The following CTNNA3 variants were observed in gnomAD, a reference collection of about 807,000 sequenced individuals.
CTNNA3 encodes the protein catenin alpha-3.
CTNNA3 carries 76 observed loss-of-function variants against 95.7 expected under a neutral mutation model. The ratio of observed to expected loss-of-function variants is 0.79; its 90% CI spans 0.66 to 0.96. The LOEUF (loss-of-function observed/expected upper bound fraction) is 0.96. Ranked by LOEUF, CTNNA3 falls within the 40% of genes least tolerant of loss-of-function variation. CTNNA3 has a pLI of 0.00. For missense variants in CTNNA3, 1,191 were observed against 1,089.8 expected (o/e 1.09, Z -1.31); for synonymous variants, 431 against 374.4 (o/e 1.15, Z -1.74).
intron 13 of CTNNA3, among the ~76,000 whole-genome samples, chr10:66,138,139 C>A (rs749878858): frequency 3.9e-5 from 6 of 151,930 alleles, no homozygotes; most frequent in Non-Finnish European, 5.9e-5. Context: ...ATAATAAACC[C>A]AAATATATGT....
chr10:67,110,188 C>G (rs1358962951), intron 7 of CTNNA3, among the ~76,000 whole-genome samples: 1 of 152,130 alleles, frequency 6.6e-6, no homozygotes, highest in African/African-American at 2.4e-5. Flanking sequence ...TATTAAATAC[C>G]TAAAACACCC....
At chr10:67,246,104 G>A (rs753713196) in intron 5 of CTNNA3, among the ~76,000 whole-genome samples, 21 of 152,286 alleles carry the variant, frequency 1.4e-4, no homozygotes, top group Non-Finnish European at 2.6e-4. Context: ...GGTCAACTGC[G>A]TATGACTGCC....
chr10:66,842,900 G>C (rs1037346146), intron 7 of CTNNA3, among the ~76,000 whole-genome samples: 1 of 152,096 alleles, frequency 6.6e-6, no homozygotes, highest in African/African-American at 2.4e-5. Flanking sequence ...TGATATGGCT[G>C]ACTCAAACCA....
intron 5 of CTNNA3, among the ~76,000 whole-genome samples, chr10:67,259,191 A>G (rs887647375): frequency 3.3e-5 from 5 of 152,126 alleles, no homozygotes; most frequent in Non-Finnish European, 5.9e-5. Context: ...TTAACTACTT[A>G]CTACTACAAC....
At chr10:67,045,677 G>A (rs1335262744) in intron 7 of CTNNA3, among the ~76,000 whole-genome samples, 1 of 152,182 alleles carries the variant, frequency 6.6e-6, no homozygotes, top group African/African-American at 2.4e-5. Context: ...TCCTGGCGCG[G>A]GATGGGGCGG....
At chr10:67,580,492 G>A (rs1313179238) in intron 3 of CTNNA3, among the ~76,000 whole-genome samples, 1 of 151,700 alleles carries the variant, frequency 6.6e-6, no homozygotes, top group African/African-American at 2.4e-5. Flanking sequence ...CAGGTAGCAT[G>A]ATGCCTCCAG....
chr10:65,954,181 CTTCTT>C (rs764832561), intron 17 of CTNNA3, among the ~76,000 whole-genome samples: 9 of 152,208 alleles, frequency 5.9e-5, no homozygotes, highest in Non-Finnish European at 1.2e-4. Flanking sequence ...GCATAAATGT[CTTCTT>C]TTGAGAAATG....
intron 11 of CTNNA3, among the ~76,000 whole-genome samples, chr10:66,387,861 C>A (rs142378989): frequency 1.2e-4 from 18 of 152,070 alleles, no homozygotes; most frequent in African/African-American, 4.3e-4. Flanking sequence ...AACCAAACAC[C>A]GCATATTCTC....
intron 7 of CTNNA3, among the ~76,000 whole-genome samples, chr10:66,973,548 T>C (rs747466001): frequency 6.6e-6 from 1 of 152,230 alleles, no homozygotes; most frequent in Non-Finnish European, 1.5e-5. Flanking sequence ...AACATTCTCA[T>C]TTATAATTAG....
chr10:67,741,899 A>C (rs376170842), intron 1 of CTNNA3, among the ~76,000 whole-genome samples: 2 of 151,328 alleles, frequency 1.3e-5, no homozygotes, highest in East Asian at 1.9e-4. Context: ...AAGATCAAAA[A>C]AGACAAAGAA....
At chr10:67,355,540 A>C (rs561612398) in intron 5 of CTNNA3, among the ~76,000 whole-genome samples, 41 of 151,262 alleles carry the variant, frequency 2.7e-4, no homozygotes, top group African/African-American at 9.9e-4. Context: ...ATGTAAGCAC[A>C]AAAAAAAAGG....
At chr10:67,378,476 T>C (rs1332810578) in intron 5 of CTNNA3, among the ~76,000 whole-genome samples, 1 of 150,606 alleles carries the variant, frequency 6.6e-6, no homozygotes, top group African/African-American at 2.4e-5. Context: ...TTAATGGATG[T>C]CCTTATTCTG....
chr10:66,301,534 A>G (rs1461021907), intron 12 of CTNNA3, among the ~76,000 whole-genome samples: 1 of 151,960 alleles, frequency 6.6e-6, no homozygotes, highest in African/African-American at 2.4e-5. Context: ...CAAAGAATCA[A>G]GTAGATTTAT....
chr10:66,127,361 A>G (rs1281356640), intron 13 of CTNNA3, among the ~76,000 whole-genome samples: 1 of 152,056 alleles, frequency 6.6e-6, no homozygotes, highest in Non-Finnish European at 1.5e-5. Flanking sequence ...ATCAACAGCA[A>G]TACCTAATAT....
At chr10:66,251,823 T>C (rs966018208) in intron 13 of CTNNA3, among the ~76,000 whole-genome samples, 1 of 152,194 alleles carries the variant, frequency 6.6e-6, no homozygotes, top group Non-Finnish European at 1.5e-5. Flanking sequence ...TCCAAGAGCT[T>C]AACTTGCATT....
At chr10:67,242,404 T>G (rs1865750008) in intron 5 of CTNNA3, among the ~76,000 whole-genome samples, 1 of 152,262 alleles carries the variant, frequency 6.6e-6, no homozygotes, top group Non-Finnish European at 1.5e-5. Flanking sequence ...GTGTTTTGCT[T>G]TTTAGTTTAA....
chr10:66,862,098 C>T (rs1444562869), intron 7 of CTNNA3, among the ~76,000 whole-genome samples: 1 of 152,066 alleles, frequency 6.6e-6, no homozygotes, highest in Admixed American at 6.6e-5. Flanking sequence ...GCTGTAGTCC[C>T]AGCTGCTCGG....
At chr10:66,865,228 GT>G in intron 7 of CTNNA3, among the ~76,000 whole-genome samples, 1 of 151,822 alleles carries the variant, frequency 6.6e-6, no homozygotes, top group Non-Finnish European at 1.5e-5. Context: ...GTGTGTGTGT[GT>G]GTGTGTGTGT....
chr10:66,005,117 G>T (rs1329092899), intron 15 of CTNNA3, among the ~76,000 whole-genome samples: 2 of 152,098 alleles, frequency 1.3e-5, no homozygotes, highest in African/African-American at 4.8e-5. Flanking sequence ...TCACTAAAAG[G>T]TATGCTTCTG....
Sources: gnomAD v4.1 joint callset for allele counts (sites outside exome capture counted in the v4.1 genomes callset) on GRCh38, gnomAD v4.1.1 for gene constraint, MANE v1.5 for transcripts, NCBI Gene and HGNC (gene_info 2026-07-23, HGNC 2026-07-21) for gene names.